TMEM244: variants seen among roughly 807,000 people sequenced by gnomAD.
TMEM244 encodes the protein transmembrane protein 244, also known as putative transmembrane protein 244.
A neutral mutation model predicts 15.8 loss-of-function variants in TMEM244; 13 were observed. The ratio of observed to expected loss-of-function variants is 0.82; its 90% CI spans 0.53 to 1.30. The LOEUF is 1.30. Ranked by LOEUF, TMEM244 falls within the 50% of genes most tolerant of loss-of-function variation. The probability of loss-of-function intolerance (pLI) is 0.00; values close to 1 mark genes in which losing one functional copy is unlikely to be tolerated. For missense variants in TMEM244, 161 were observed against 144.9 expected (o/e 1.11, Z -0.57); for synonymous variants, 45 against 48.7 (o/e 0.92, Z 0.32).
rs1776658956 is a variant in TMEM244 at position 129,853,240 on chromosome 6, TG to T, written c.34-7389del. On this transcript the variant is annotated intron_variant, in intron 1 of 4. Transcript: ENST00000368143. ...GCCATACTTAAGTACTTCCTATTTCTGGAAAAATTCAATGCTGTTCCCCCTG... is the reference window on the plus strand; with the variant it reads ...GCCATACTTAAGTACTTCCTATTTCTGAAAAATTCAATGCTGTTCCCCCTG... Among the ~76,000 whole-genome samples the T allele has an allele frequency of 2.0e-5, 3 of 152,278 alleles. No individual in the cohort carries two copies. In the South Asian group the frequency reaches 6.2e-4, roughly 32 times the overall value.
intron 4 of TMEM244, among the ~76,000 whole-genome samples, chr6:129,831,747 A>G (rs950776025): frequency 6.6e-6 from 1 of 152,028 alleles, no homozygotes; most frequent in Non-Finnish European, 1.5e-5. Flanking sequence ...ATTTGTTAAC[A>G]TTTTCTAAGT....
intron 1 of TMEM244, among the ~76,000 whole-genome samples, chr6:129,859,708 C>T (rs1053845174): frequency 6.6e-6 from 1 of 152,214 alleles, no homozygotes; most frequent in Non-Finnish European, 1.5e-5. Context: ...TTGGCCATGA[C>T]TCTTTCCCTT....
chr6:129,844,754 A>AGGCTGC (rs1189499296), intron 2 of TMEM244, among the ~76,000 whole-genome samples: 1 of 152,208 alleles, frequency 6.6e-6, no homozygotes, highest in East Asian at 1.9e-4. Context: ...GAGGAGGCTG[A>AGGCTGC]GGCTGCACGT....
intron 1 of TMEM244, among the ~76,000 whole-genome samples, chr6:129,860,648 A>AT (rs202060922): frequency 0.015 from 2,310 of 151,526 alleles, 19 homozygotes; most frequent in Non-Finnish European, 0.022. Flanking sequence ...CGATTGTTTG[A>AT]TTTTTTTTTA....
intron 3 of TMEM244, among the ~76,000 whole-genome samples, chr6:129,843,150 T>A (rs567963180): frequency 6.6e-6 from 1 of 152,246 alleles, no homozygotes; most frequent in African/African-American, 2.4e-5. Flanking sequence ...AAAAATGAAA[T>A]TGTATTATAT....
chr6:129,844,418 C>T (rs935225992), intron 2 of TMEM244, among the ~76,000 whole-genome samples: 3 of 152,168 alleles, frequency 2.0e-5, no homozygotes, highest in African/African-American at 7.2e-5. Context: ...GTGCTATAAC[C>T]GTGCACTTGG....
chr6:129,857,921 G>T (rs186608934), intron 1 of TMEM244, among the ~76,000 whole-genome samples: 1 of 151,594 alleles, frequency 6.6e-6, no homozygotes, highest in African/African-American at 2.4e-5. Context: ...ATCAGGAGTG[G>T]TTCAGGAACG....
intron 4 of TMEM244, among the ~76,000 whole-genome samples, 197 bp from the exon 5 acceptor site, chr6:129,831,583 C>A (rs41285298): frequency 0.067 from 10,166 of 152,240 alleles, 432 homozygotes; most frequent in Non-Finnish European, 0.091. Context: ...TACAACTCTT[C>A]TCCTAGAAAT....
At chr6:129,844,094 GA>G (rs35579699) in intron 2 of TMEM244, among the ~76,000 whole-genome samples, 1 of 151,852 alleles carries the variant, frequency 6.6e-6, no homozygotes, top group Non-Finnish European at 1.5e-5. Flanking sequence ...ATGTAATGTT[GA>G]AAAAAGTTAC....
chr6:129,851,966 ATTATT>A (rs1776642037), intron 1 of TMEM244, among the ~76,000 whole-genome samples: 1 of 152,232 alleles, frequency 6.6e-6, no homozygotes, highest in Non-Finnish European at 1.5e-5. Flanking sequence ...ATGTTAAAAA[ATTATT>A]GTTAGGTTTT....
At chr6:129,841,516 C>T (rs974480916) in intron 3 of TMEM244, among the ~76,000 whole-genome samples, 6 of 151,934 alleles carry the variant, frequency 3.9e-5, no homozygotes, top group Non-Finnish European at 5.9e-5. Context: ...ACAGGTATAC[C>T]TATTTAACAA....
intron 3 of TMEM244, among the ~76,000 whole-genome samples, chr6:129,835,608 C>T (rs927010542): frequency 3.3e-5 from 5 of 152,116 alleles, no homozygotes; most frequent in African/African-American, 1.2e-4. Context: ...GGTGTTGCCT[C>T]ACCCGGGAAG....
intron 1 of TMEM244, among the ~76,000 whole-genome samples, chr6:129,847,430 G>T (rs1206518719): frequency 6.6e-6 from 1 of 152,188 alleles, no homozygotes; most frequent in Non-Finnish European, 1.5e-5. Context: ...TACAGAAGGA[G>T]TCCACAGCTA....
Position 129,831,372 on chromosome 6 carries a change from G to T in TMEM244, c.334C>A (p.Pro112Thr). 1 of 1,580,406 alleles carries T rather than the reference G, an allele frequency of 6.3e-7. No homozygotes were observed. The highest frequency in any genetic ancestry group is 1.7e-5 in the Admixed American group (1 of 59,778). ...GCAGCCCACCAATGTGATGTCAAGG[G>T]GAATTCCAACATAACTGCAATAGAA... is the stretch of plus-strand genomic sequence containing the variant. ...AITSTVMLEF[P>T]LTSHWWAALG... The change falls in exon 5 of 5, where the codon CCC (proline) becomes ACC (threonine). Residue 112 changes from proline (P) to threonine (T), a missense_variant. Physicochemically the swap from Pro to Thr is conservative, Grantham distance 38. Transcript: ENST00000368143.
chr6:129,859,330 GA>G (rs1367533430), intron 1 of TMEM244, among the ~76,000 whole-genome samples: 15 of 152,164 alleles, frequency 9.9e-5, no homozygotes, highest in Admixed American at 9.8e-4. Flanking sequence ...CTCCCCATAG[GA>G]AAGACTGCAT....
intron 3 of TMEM244, among the ~76,000 whole-genome samples, chr6:129,842,838 A>G (rs1385474300): frequency 1.3e-5 from 2 of 151,424 alleles, no homozygotes; most frequent in African/African-American, 2.4e-5. Flanking sequence ...CCAAACAAGA[A>G]TGTTTTACAT....
At chr6:129,851,354 C>T (rs1362049851) in intron 1 of TMEM244, among the ~76,000 whole-genome samples, 1 of 152,122 alleles carries the variant, frequency 6.6e-6, no homozygotes, top group Non-Finnish European at 1.5e-5. Flanking sequence ...CTGCAACCTC[C>T]ACCTCCCAGG....
At chr6:129,852,963 A>C (rs1006779671) in intron 1 of TMEM244, among the ~76,000 whole-genome samples, 1 of 152,046 alleles carries the variant, frequency 6.6e-6, no homozygotes, top group African/African-American at 2.4e-5. Flanking sequence ...TCTCTCTGGG[A>C]TTCTCTTTCC....
At chr6:129,849,386 A>G (rs1453397440) in intron 1 of TMEM244, among the ~76,000 whole-genome samples, 1 of 152,182 alleles carries the variant, frequency 6.6e-6, no homozygotes, top group Non-Finnish European at 1.5e-5. Context: ...AGCCTATGGA[A>G]CATAACAATT....
Sources: allele counts gnomAD v4.1 joint callset (sites outside exome capture counted in the v4.1 genomes callset), GRCh38; gene constraint gnomAD v4.1.1; transcripts MANE v1.5; gene names NCBI Gene and HGNC (gene_info 2026-07-23, HGNC 2026-07-21).